Variants in QRICH2 observed in about 807,000 individuals in gnomAD.
QRICH2 encodes glutamine-rich protein 2.
QRICH2 carries 119 observed loss-of-function variants against 168.3 expected under a neutral mutation model. The observed-to-expected ratio is 0.71, with a 90% confidence interval of 0.61 to 0.82. The LOEUF is 0.82. QRICH2 is among the 40% of genes least tolerant of loss of function. QRICH2 has a pLI of 0.00. For synonymous variants in QRICH2, 894 were observed against 951.2 expected (o/e 0.94, Z 1.11); for missense variants, 2,241 against 2,491.6 (o/e 0.90, Z 2.14).
Position 76,279,130 on chromosome 17 carries a change from C to T in QRICH2, c.4827G>A (p.Val1609=). 1 of 1,613,016 alleles carries T rather than the reference C, an allele frequency of 6.2e-7. No homozygotes were observed. Among genetic ancestry groups the T allele is most frequent in the East Asian group, 2.2e-5 (1 of 44,872 alleles). ...ETPVTGHAIP[V]TPAGPGLPGH... ...CAGGTAGGCCTGGACCCGCGGGGGT[C>T]ACGGGGATGGCACTGGGCAGGGACA... Residue 1609 remains valine, a synonymous_variant, in exon 14 of 19, where the codon GTG becomes GTA. Transcript: ENST00000680821.
At chr17:76,289,294 C>G (rs1456749737) in intron 5 of QRICH2, among the ~76,000 whole-genome samples, 1 of 152,036 alleles carries the variant, frequency 6.6e-6, no homozygotes, top group East Asian at 1.9e-4. Flanking sequence ...TCAAGTGATC[C>G]TCCTGCCTCA....
rs374807904 is a variant in QRICH2, at chr17:76,277,210, G to T, written c.5218C>A (p.Leu1740Ile). 2 of 1,603,520 alleles carry T rather than the reference G, an allele frequency of 1.2e-6. No homozygotes were observed. The highest frequency in any genetic ancestry group is 1.7e-6 in the Non-Finnish European group (2 of 1,177,100). Residue 1740 changes from leucine to isoleucine, a missense_variant, in exon 16 of 19, where the codon CTT (leucine) becomes ATT (isoleucine). Around this residue, in one of 3 missense-constraint regions of QRICH2, gnomAD observed 2,047 missense variants for 2,303.8 expected, o/e 0.89. Transcript: ENST00000680821. ...TCAGTAGGATACAGGCCCCGGGGAAGGTGCTGCGGGCGGCTGCGGTGGTAG... is the reference window on the plus strand; with the variant it reads ...TCAGTAGGATACAGGCCCCGGGGAATGTGCTGCGGGCGGCTGCGGTGGTAG... Reference protein sequence around the residue: ...YPYHRSRPQHLPRGLYPTEEI... With the variant: ...YPYHRSRPQHIPRGLYPTEEI...
intron 7 of QRICH2, among the ~76,000 whole-genome samples, chr17:76,286,129 C>T (rs552669718): frequency 2.0e-5 from 3 of 151,684 alleles, no homozygotes; most frequent in South Asian, 4.2e-4. Flanking sequence ...GAGCCGAGAT[C>T]GTGCCACTGC....
rs142063098 is a variant in QRICH2, at chr17:76,300,314, C to T, written c.705+4101G>A. Among the ~76,000 whole-genome samples the T allele has an allele frequency of 4.1e-3, 627 of 152,092 alleles. 2 individuals carry two copies. The highest frequency in any genetic ancestry group is 0.015 in the African/African-American group (602 of 41,516). ...TACTGCTCATAATTATGAACAACTC[C>T]AAAAGCAAATAAAGATAAATATAAA... On this transcript the variant is annotated intron_variant, in intron 3 of 18. Coordinates refer to ENST00000680821, the MANE Select transcript of QRICH2 (RefSeq NM_001388453.1).
chr17:76,307,398 C>T lies in QRICH2; in HGVS notation c.534+67G>A. On this transcript the variant is annotated intron_variant, in intron 1 of 18. Coordinates refer to ENST00000680821, the MANE Select transcript of QRICH2 (RefSeq NM_001388453.1). The surrounding 1 kb of genome is among the most constrained non-coding windows in gnomAD (Gnocchi z 5.3). Reference sequence around the variant, plus strand: ...TCACCCCTCCAGGGTGGTGGGGACTCGGCTAGGCCTGGAGGGCGGCCTGGA... The same window carrying T: ...TCACCCCTCCAGGGTGGTGGGGACTTGGCTAGGCCTGGAGGGCGGCCTGGA... 3.2e-6 allele frequency: 5 copies of T among 1,570,656 alleles called. No individual in the cohort carries two copies. The highest frequency in any genetic ancestry group is 4.4e-6 in the Non-Finnish European group (5 of 1,143,780).
At chr17:76,305,339 A>AT (rs1013709111) in intron 1 of QRICH2, among the ~76,000 whole-genome samples, 3 of 151,460 alleles carry the variant, frequency 2.0e-5, no homozygotes, top group African/African-American at 4.9e-5. Flanking sequence ...AATTTTAAAC[A>AT]TTTTTTTGTA....
Position 76,287,087 on chromosome 17 carries a change from CAT to C in QRICH2, c.4011+103_4011+104del, listed in dbSNP as rs1491552007. ...ACACACACACACACACACACACACACATGATGGGAGGGACCTAGTTTTTGATG... is the reference window on the plus strand; with the variant it reads ...ACACACACACACACACACACACACACGATGGGAGGGACCTAGTTTTTGATG... On this transcript the variant is annotated intron_variant, in intron 7 of 18. Coordinates refer to ENST00000680821, the MANE Select transcript of QRICH2 (RefSeq NM_001388453.1). 96 of 301,910 alleles carry C rather than the reference CAT, an allele frequency of 3.2e-4. 9 individuals carry two copies. The highest frequency in any genetic ancestry group is 1.8e-3 in the African/African-American group (18 of 9,924). The allele number at this position is 301,910 out of a possible 1,614,324, so 18.7% of individuals were successfully genotyped here. A position where few individuals can be genotyped will look rare whatever the true frequency, so the allele number is the denominator to read the frequency against.
At chr17:76,295,591 C>T (rs758460883) in intron 3 of QRICH2, among the ~76,000 whole-genome samples, 1 of 151,622 alleles carries the variant, frequency 6.6e-6, no homozygotes, top group Non-Finnish European at 1.5e-5. Context: ...TGCAGTGAGC[C>T]GAGATCACGC....
In QRICH2 at chr17:76,295,073, C is replaced by CAAACAAATAAAT. The variant is rs1555675460; in HGVS notation, c.706-1053_706-1052insATTTATTTGTTT. On this transcript the variant is annotated intron_variant, in intron 3 of 18. Transcript: ENST00000680821. ...GATGAAACCCCGTCTCTACTAAAAA[C>CAAACAAATAAAT]AAATAAATAAATAAATAAATAAATA... is the stretch of plus-strand genomic sequence containing the variant. Among the ~76,000 whole-genome samples the CAAACAAATAAAT allele has an allele frequency of 3.8e-3, 545 of 143,310 alleles. 2 individuals are homozygous for CAAACAAATAAAT. Among genetic ancestry groups the CAAACAAATAAAT allele is most frequent in the African/African-American group, 0.013 (509 of 39,046 alleles). 94.0% of individuals were successfully genotyped at this position (143,310 alleles called of 152,430 possible).
intron 3 of QRICH2, chr17:76,301,566 CAA>C (rs536017974): frequency 6.4e-6 from 1 of 157,336 alleles, no homozygotes; most frequent in East Asian, 1.9e-4. Context: ...GACTCTGTCT[CAA>C]AAAAAATGAA....
chr17:76,277,598 T>G (rs557212341), intron 15 of QRICH2, among the ~76,000 whole-genome samples: 1 of 150,912 alleles, frequency 6.6e-6, no homozygotes, highest in African/African-American at 2.4e-5. Flanking sequence ...ACACACATAC[T>G]TATGCACATA....
chr17:76,291,735 A>C lies in QRICH2; in HGVS notation c.2992T>G (p.Ser998Ala), dbSNP rs769231924. ...LRGSSTFQAD[S>A]TGFISVRPYQ... ...GGACGTACTGATATAAAACCTGTAG[A>C]ATCTGCCTGGAATGTTGAAGAGCCA... is the stretch of plus-strand genomic sequence containing the variant. Residue 998 changes from serine (S) to alanine (A), a missense_variant, in exon 4 of 19, where the codon TCT becomes GCT. By Grantham distance (99) the Ser-to-Ala change is moderately conservative. Transcript: ENST00000680821. 1 of 1,614,150 alleles carries C rather than the reference A, an allele frequency of 6.2e-7. No individual in the cohort carries two copies. Among genetic ancestry groups the C allele is most frequent in the South Asian group, 1.1e-5 (1 of 91,084 alleles).
Position 76,292,537 on chromosome 17 carries a change from C to A in QRICH2, c.2190G>T (p.Leu730Phe). 6.2e-7 allele frequency: 1 copy of A among 1,607,980 alleles called. No individual in the cohort carries two copies. The change falls in exon 4 of 19, where the codon TTG (leucine) becomes TTT (phenylalanine). Residue 730 changes from leucine to phenylalanine, a missense_variant. Physicochemically the swap from Leu to Phe is conservative, Grantham distance 22. This residue lies in a region of QRICH2 where 2,047 missense variants were observed against 2,303.8 expected (regional missense o/e 0.89). Transcript: ENST00000680821. ...CACGCTGATCTACTCCAGGTTGGAC[C>A]AAACCATGCTGAACTGCACCAGGTT... ...LAQPGAVQHG[L>F]VQPGVDQRGL...
In QRICH2 at chr17:76,276,684, T is replaced by C. The variant is rs763512112; in HGVS notation, c.5349A>G (p.Lys1783=). Residue 1783 remains lysine (K), a synonymous_variant, in exon 17 of 19, where the codon AAA becomes AAG. Transcript: ENST00000680821. The part of the protein sequence containing the change: ...MDTRLPGILR[K]DSSGTSKRKS... ...GGGCCTCTGGACTCCACTCACTGTC[T>C]TTTCGGAGGATGCCTGGCAGCCTTG... 6.2e-7 allele frequency: 1 copy of C among 1,613,656 alleles called. No homozygotes were observed. Among genetic ancestry groups the C allele is most frequent in the South Asian group, 1.1e-5 (1 of 91,062 alleles).
intron 7 of QRICH2, among the ~76,000 whole-genome samples, chr17:76,284,168 C>CAAA (rs61553346): frequency 9.6e-5 from 6 of 62,760 alleles, no homozygotes; most frequent in South Asian, 4.0e-4. Context: ...ACTCTGTCTC[C>CAAA]AAAAAAAAAA....
At position 76,275,889 on chromosome 17, in the gene QRICH2, T is replaced by C. The variant is rs899948157; in HGVS notation, c.5412A>G (p.Pro1804=). 6.2e-7 allele frequency: 1 copy of C among 1,609,000 alleles called. No individual in the cohort carries two copies. Among genetic ancestry groups the C allele is most frequent in the Non-Finnish European group, 8.5e-7 (1 of 1,179,908 alleles). The part of the protein sequence containing the change: ...QQPRPHVHRP[P]SLSSNGQLPS... ...GCAGCTGGCCATTGCTGCTGAGGGA[T>C]GGCGGCCTGTGCACGTGGGGCCTGG... Residue 1804 remains proline, a synonymous_variant, in exon 18 of 19, where the codon CCA becomes CCG. Transcript: ENST00000680821.
Position 76,292,761 on chromosome 17 carries a change from C to G in QRICH2, c.1966G>C (p.Gly656Arg). The change falls in exon 4 of 19, where the codon GGT (glycine) becomes CGT (arginine). Residue 656 changes from glycine (G) to arginine (R), a missense_variant. Transcript: ENST00000680821. The stretch of plus-strand genomic sequence containing the variant: ...CCAGGCTGTACCAAGACACCCTGAC[C>G]TGTGCCAGATTGGACCAAATCATGC... The part of the protein sequence containing the change: ...GQHDLVQSGT[G>R]QGVLVQPGVD... The G allele has an allele frequency of 1.2e-6, 2 of 1,613,366 alleles. No homozygotes were observed. The highest frequency in any genetic ancestry group is 1.7e-6 in the Non-Finnish European group (2 of 1,179,886).
upstream of QRICH2, among the ~76,000 whole-genome samples, chr17:76,308,987 T>TCGA (rs2071033582): frequency 1.3e-5 from 2 of 150,044 alleles, no homozygotes; most frequent in South Asian, 4.3e-4. Flanking sequence ...CCTCAAGTGA[T>TCGA]CGACCCACCT....
At position 76,307,605 on chromosome 17, in the gene QRICH2, G is replaced by A; in HGVS notation, c.394C>T (p.Gln132Ter). ...GQVQGIATHV[Q>*]HFSQASGLDL... is the part of the protein sequence containing the mutation. ...AGCCCGCTGGCCTGGGAGAAGTGCT[G>A]CACGTGCGTGGCGATGCCCTGCACC... The change falls in exon 1 of 19, where the codon CAG becomes TAG. Residue 132 changes from glutamine (Q) to a stop codon, truncating the protein, a stop_gained. Coordinates refer to ENST00000680821, the MANE Select transcript of QRICH2 (RefSeq NM_001388453.1). LOFTEE classifies it high-confidence loss of function. The surrounding 1 kb of genome is among the most constrained non-coding windows in gnomAD (Gnocchi z 5.3). 1 of 1,540,542 alleles carries A rather than the reference G, an allele frequency of 6.5e-7. No individual in the cohort carries two copies. Among genetic ancestry groups the A allele is most frequent in the South Asian group, 1.2e-5 (1 of 82,728 alleles).
Sources: gnomAD v4.1 joint callset for allele counts (sites outside exome capture counted in the v4.1 genomes callset) on GRCh38, gnomAD v4.1.1 for gene constraint, gnomAD v4.1.1 regional missense constraint, Gnocchi (gnomAD v3.1) non-coding constraint, MANE v1.5 for transcripts, NCBI Gene and HGNC (gene_info 2026-07-23, HGNC 2026-07-21) for gene names.